Variants in KLHDC4 observed in about 807,000 individuals in gnomAD.
The protein encoded by KLHDC4 is kelch domain-containing protein 4.
In KLHDC4, 90 loss-of-function variants were observed where a neutral mutation model predicts 62.4. The ratio of observed to expected loss-of-function variants is 1.44; its 90% CI spans 1.22 to 1.72. The LOEUF is 1.72. KLHDC4 is among the 40% of genes most tolerant of loss of function. The pLI, the probability that KLHDC4 is intolerant of heterozygous loss-of-function variation, is 0.00. For synonymous variants in KLHDC4, 386 were observed against 284.4 expected, an observed-to-expected ratio of 1.36 and a Z score of -3.59; for missense variants, 1,025 against 699.7, an observed-to-expected ratio of 1.47 and a Z score of -5.25.
intron 9 of KLHDC4, 41 bp downstream of exon 9, chr16:87,711,194 G>C: frequency 6.2e-7 from 1 of 1,604,652 alleles, no homozygotes; most frequent in Non-Finnish European, 8.5e-7. Flanking sequence ...CCCAAGTTAG[G>C]GCTGCGCACC....
At chr16:87,722,803 C>T (rs1434834220) in intron 7 of KLHDC4, among the ~76,000 whole-genome samples, 1 of 152,242 alleles carries the variant, frequency 6.6e-6, no homozygotes, top group African/African-American at 2.4e-5. Flanking sequence ...CCTGAGGGCC[C>T]CGGGGAGGCG....
chr16:87,724,184 A>T (rs537134221), intron 7 of KLHDC4, among the ~76,000 whole-genome samples: 195 of 152,306 alleles, frequency 1.3e-3, no homozygotes, highest in Non-Finnish European at 2.1e-3. Context: ...GAGTATCTAC[A>T]TGGGGGAAAC....
At chr16:87,751,694 G>A (rs889157224) in intron 4 of KLHDC4, among the ~76,000 whole-genome samples, 1 of 152,078 alleles carries the variant, frequency 6.6e-6, no homozygotes, top group Admixed American at 6.6e-5. Context: ...TCATGTGGGA[G>A]GATTGCTTGA....
chr16:87,726,834 G>C lies in KLHDC4; in HGVS notation c.690C>G (p.Pro230=). Residue 230 remains proline (P), a synonymous_variant, in exon 7 of 12, where the codon CCC becomes CCG. Coordinates refer to ENST00000270583, the MANE Select transcript of KLHDC4 (RefSeq NM_017566.4). ...TGACGGACATCTGGCAGCCTGATCT[G>C]GGTGTGGGCCCCGTCCCTGACGGGG... ...KLSPSGTGPT[P]RSGCQMSVTP... 1 of 1,612,668 alleles carries C rather than the reference G, an allele frequency of 6.2e-7. No individual in the cohort carries two copies. Among genetic ancestry groups the C allele is most frequent in the Non-Finnish European group, 8.5e-7 (1 of 1,179,494 alleles).
intron 7 of KLHDC4, among the ~76,000 whole-genome samples, chr16:87,717,854 C>G (rs998300142): frequency 6.6e-6 from 1 of 152,172 alleles, no homozygotes; most frequent in Non-Finnish European, 1.5e-5. Flanking sequence ...CTATATGAAC[C>G]GTCTTGTTTT....
chr16:87,762,111 T>G, intron 1 of KLHDC4, 71 bp from the exon 2 acceptor site: 1 of 1,593,196 alleles, frequency 6.3e-7, no homozygotes, highest in Non-Finnish European at 8.5e-7. Context: ...CCCGCTCAGC[T>G]TTCCTCCAAT....
chr16:87,765,530 C>G (rs975926372), intron 1 of KLHDC4, among the ~76,000 whole-genome samples: 1 of 152,068 alleles, frequency 6.6e-6, no homozygotes, highest in Admixed American at 6.5e-5. Flanking sequence ...CAGAAAAACG[C>G]CCGTGACACC....
intron 8 of KLHDC4, among the ~76,000 whole-genome samples, chr16:87,712,325 A>C (rs2036055591): frequency 6.6e-6 from 1 of 151,724 alleles, no homozygotes; most frequent in Admixed American, 6.6e-5. Context: ...GTGTGGTGCT[A>C]GACGTCACCC....
chr16:87,732,134 T>C (rs1369785998), intron 5 of KLHDC4, among the ~76,000 whole-genome samples: 1 of 151,488 alleles, frequency 6.6e-6, no homozygotes, highest in African/African-American at 2.4e-5. Flanking sequence ...GTTTCATTCT[T>C]GCCCAGGCCG....
intron 10 of KLHDC4, among the ~76,000 whole-genome samples, chr16:87,708,895 G>T (rs906727357): frequency 7.2e-5 from 11 of 152,248 alleles, no homozygotes; most frequent in African/African-American, 2.7e-4. Context: ...GTGTGACTAC[G>T]GCAGCAGAGG....
At chr16:87,722,440 G>A (rs2142996667) in intron 7 of KLHDC4, among the ~76,000 whole-genome samples, 1 of 151,512 alleles carries the variant, frequency 6.6e-6, no homozygotes, top group East Asian at 2.0e-4. Context: ...GAGCACTACT[G>A]TCCACTTCAT....
At chr16:87,718,324 CCTCT>C (rs1483352570) in intron 7 of KLHDC4, among the ~76,000 whole-genome samples, 140 of 78,892 alleles carry the variant, frequency 1.8e-3, no homozygotes, top group South Asian at 2.4e-3. Context: ...CCTCCCCCTC[CCTCT>C]CCCTCCCCCT....
chr16:87,764,691 C>T (rs1192723569), intron 1 of KLHDC4, among the ~76,000 whole-genome samples: 2 of 127,236 alleles, frequency 1.6e-5, no homozygotes, highest in Admixed American at 1.7e-4. Context: ...AAGCAGCTAA[C>T]AGCTGGTTAC....
chr16:87,720,561 G>A (rs771186314), intron 7 of KLHDC4, among the ~76,000 whole-genome samples: 10 of 151,808 alleles, frequency 6.6e-5, no homozygotes, highest in Admixed American at 5.2e-4. Flanking sequence ...CTGGGGAGAC[G>A]CCGCACCACA....
At chr16:87,701,427 T>C (rs762064004) in exon 1 of KLHDC4, 3 of 342,696 alleles carry the variant, frequency 8.8e-6, no homozygotes, top group Non-Finnish European at 1.7e-5. Flanking sequence ...TGTTTCTTCA[T>C]GAAACCCAAA....
At chr16:87,757,740 A>G (rs2045210770) in intron 2 of KLHDC4, among the ~76,000 whole-genome samples, 1 of 151,724 alleles carries the variant, frequency 6.6e-6, no homozygotes, top group Admixed American at 6.6e-5. Context: ...AAAAATACAA[A>G]AAGTAGCCAG....
intron 2 of KLHDC4, among the ~76,000 whole-genome samples, chr16:87,759,925 G>T (rs541950938): frequency 6.6e-6 from 1 of 152,192 alleles, no homozygotes; most frequent in East Asian, 1.9e-4. Context: ...CGCACAGGCA[G>T]GTGAGGTACT....
At chr16:87,702,540 G>A (rs1319290424) in exon 1 of KLHDC4, 4 of 354,308 alleles carry the variant, frequency 1.1e-5, no homozygotes, top group African/African-American at 6.4e-5. Flanking sequence ...GGGGGCAGGC[G>A]CCCCCTCCTG....
At chr16:87,720,582 G>C (rs974004998) in intron 7 of KLHDC4, among the ~76,000 whole-genome samples, 2 of 152,252 alleles carry the variant, frequency 1.3e-5, no homozygotes, top group East Asian at 1.9e-4. Flanking sequence ...TCAGTGCACA[G>C]GAGGCATCTC....
Sources: allele counts gnomAD v4.1 joint callset (sites outside exome capture counted in the v4.1 genomes callset), GRCh38; gene constraint gnomAD v4.1.1; transcripts MANE v1.5; gene names NCBI Gene and HGNC (gene_info 2026-07-23, HGNC 2026-07-21).